Variants in SAMD3 observed in about 807,000 individuals in gnomAD.
The protein encoded by SAMD3 is sterile alpha motif domain containing 3.
Under a neutral mutation model 58.5 loss-of-function variants are expected in SAMD3, and 63 were observed. That is an observed-to-expected ratio of 1.08 (90% confidence interval 0.88 to 1.33). SAMD3 has a LOEUF of 1.33. SAMD3 is among the 40% of genes most tolerant of loss of function. The probability of loss-of-function intolerance (pLI) is 0.00; values close to 1 mark genes in which losing one functional copy is unlikely to be tolerated. For synonymous variants in SAMD3, 220 were observed against 210.3 expected (o/e 1.05, Z -0.40); for missense variants, 604 against 608.4 (o/e 0.99, Z 0.08).
chr6:130,290,355 G>A (rs1013340542), intron 2 of SAMD3, among the ~76,000 whole-genome samples: 1 of 152,194 alleles, frequency 6.6e-6, no homozygotes, highest in Non-Finnish European at 1.5e-5. Flanking sequence ...TCTTGAGTTA[G>A]AATTGCTTCT....
At chr6:130,247,230 G>A (rs975693696) in intron 2 of SAMD3, among the ~76,000 whole-genome samples, 1 of 152,180 alleles carries the variant, frequency 6.6e-6, no homozygotes, top group East Asian at 1.9e-4. Flanking sequence ...AACACTTTGA[G>A]AGGCCGAGGC....
At chr6:130,334,218 T>C (rs957638870) in intron 1 of SAMD3, among the ~76,000 whole-genome samples, 4 of 152,136 alleles carry the variant, frequency 2.6e-5, no homozygotes, top group African/African-American at 9.7e-5. Flanking sequence ...CGCTCATTGC[T>C]TGAAATTGGT....
intron 1 of SAMD3, among the ~76,000 whole-genome samples, chr6:130,347,834 C>A (rs949370167): frequency 6.6e-6 from 1 of 152,122 alleles, no homozygotes; most frequent in Non-Finnish European, 1.5e-5. Flanking sequence ...AGAGAAAGCT[C>A]GGGTTACCCA....
chr6:130,353,523 A>T (rs531932060), intron 1 of SAMD3, among the ~76,000 whole-genome samples: 1 of 152,332 alleles, frequency 6.6e-6, no homozygotes, highest in Admixed American at 6.5e-5. Context: ...AAATAACATG[A>T]TCTGCGATAT....
Position 130,254,662 on chromosome 6 carries a change from C to T in SAMD3, c.-187-31849G>A, listed in dbSNP as rs909106015. Reference sequence around the variant, plus strand: ...GAGTTTGAAGCCAGCCTGATTTTTCCTCCTTATACATAACTGGATAGTTTT... The same window carrying T: ...GAGTTTGAAGCCAGCCTGATTTTTCTTCCTTATACATAACTGGATAGTTTT... On this transcript the variant is annotated intron_variant, in intron 2 of 13. Transcript: ENST00000368134. Among the ~76,000 whole-genome samples the T allele has an allele frequency of 1.7e-3, 257 of 151,988 alleles. 2 individuals are homozygous for T. Among genetic ancestry groups the T allele is most frequent in the African/African-American group, 5.9e-3 (245 of 41,434 alleles).
At chr6:130,350,963 C>T (rs918284654) in intron 1 of SAMD3, among the ~76,000 whole-genome samples, 29 of 152,224 alleles carry the variant, frequency 1.9e-4, no homozygotes, top group African/African-American at 6.7e-4. Flanking sequence ...CCATCAAAAC[C>T]AAGCAATGGG....
chr6:130,183,983 TGAGA>T (rs144208556), intron 7 of SAMD3, 116 bp downstream of exon 7: 525 of 696,320 alleles, frequency 7.5e-4, no homozygotes, highest in African/African-American at 5.6e-3. Context: ...ATAGACAGAA[TGAGA>T]GAGAGAGAGA....
At chr6:130,163,137 C>A (rs76586045) in intron 8 of SAMD3, among the ~76,000 whole-genome samples, 8,730 of 151,602 alleles carry the variant, frequency 0.058, 819 homozygotes, top group African/African-American at 0.2. Flanking sequence ...TGTATTTCAA[C>A]TATTTAGTAT....
At chr6:130,190,923 A>T (rs1793484075) in intron 5 of SAMD3, among the ~76,000 whole-genome samples, 1 of 152,074 alleles carries the variant, frequency 6.6e-6, no homozygotes, top group African/African-American at 2.4e-5. Flanking sequence ...AATCATGTCC[A>T]ATTTCAAACA....
At chr6:130,231,550 GT>G (rs1484164339) in intron 2 of SAMD3, among the ~76,000 whole-genome samples, 1 of 151,986 alleles carries the variant, frequency 6.6e-6, no homozygotes, top group African/African-American at 2.4e-5. Context: ...GGCGACAAGA[GT>G]GAAACTCCGT....
At chr6:130,165,625 T>G (rs1182833745) in intron 8 of SAMD3, among the ~76,000 whole-genome samples, 1 of 152,100 alleles carries the variant, frequency 6.6e-6, no homozygotes, top group African/African-American at 2.4e-5. Context: ...CACATCAAAA[T>G]TTTTTCAGAA....
intron 5 of SAMD3, among the ~76,000 whole-genome samples, chr6:130,202,035 C>CTA (rs1794691510): frequency 6.6e-6 from 1 of 152,186 alleles, no homozygotes; most frequent in Non-Finnish European, 1.5e-5. Context: ...TACATAGTAC[C>CTA]TAGCCCATGG....
chr6:130,345,498 C>A (rs527391220), intron 1 of SAMD3, among the ~76,000 whole-genome samples: 2 of 151,988 alleles, frequency 1.3e-5, no homozygotes, highest in Non-Finnish European at 2.9e-5. Flanking sequence ...TTAGGGAATA[C>A]AAATCCTCCA....
intron 2 of SAMD3, among the ~76,000 whole-genome samples, chr6:130,311,161 G>A (rs536008716): frequency 6.6e-6 from 1 of 152,142 alleles, no homozygotes; most frequent in African/African-American, 2.4e-5. Context: ...ATTTAAAAAG[G>A]ATCTTGAATC....
intron 2 of SAMD3, among the ~76,000 whole-genome samples, chr6:130,268,252 CAAGA>C (rs1470717634): frequency 1.3e-5 from 2 of 151,744 alleles, no homozygotes; most frequent in East Asian, 3.9e-4. Context: ...ACTAAGGATA[CAAGA>C]AAGAAAATAT....
At chr6:130,265,784 G>A (rs1023250140) in intron 2 of SAMD3, among the ~76,000 whole-genome samples, 1 of 151,924 alleles carries the variant, frequency 6.6e-6, no homozygotes, top group Non-Finnish European at 1.5e-5. Flanking sequence ...AAAAAGAGGT[G>A]CCCAAATGAA....
rs570927079 is a variant in SAMD3, at chr6:130,212,522, A to G, written c.269+1815T>C. Among the ~76,000 whole-genome samples the G allele has an allele frequency of 4.6e-5, 7 of 152,354 alleles. No individual in the cohort carries two copies. The East Asian group carries it at 1.2e-3, about 25-fold the overall frequency. Reference sequence around the variant, plus strand: ...AGGAGAAAAAGGACAGATTTGCTCAAAGACTGTGATACTCCTAACATCAGT... The same window carrying G: ...AGGAGAAAAAGGACAGATTTGCTCAGAGACTGTGATACTCCTAACATCAGT... On this transcript the variant is annotated intron_variant, in intron 4 of 11. Coordinates refer to ENST00000439090, the MANE Select transcript of SAMD3 (RefSeq NM_001017373.4).
chr6:130,259,383 G>A (rs12530347), intron 2 of SAMD3, among the ~76,000 whole-genome samples: 18,441 of 152,098 alleles, frequency 0.12, 1,535 homozygotes, highest in East Asian at 0.36. Flanking sequence ...AAGCAAGAGC[G>A]TGGAGCTCTT....
intron 5 of SAMD3, among the ~76,000 whole-genome samples, chr6:130,208,883 C>T (rs1795297413): frequency 6.6e-6 from 1 of 152,160 alleles, no homozygotes; most frequent in Admixed American, 6.5e-5. Context: ...TTGGGAACCG[C>T]TATTCTAGGG....
Sources: allele counts gnomAD v4.1 joint callset (sites outside exome capture counted in the v4.1 genomes callset), GRCh38; gene constraint gnomAD v4.1.1; transcripts MANE v1.5; gene names NCBI Gene and HGNC (gene_info 2026-07-23, HGNC 2026-07-21).